Variants in FITM2 observed in about 807,000 individuals in gnomAD.
FITM2 encodes the protein fat storage inducing transmembrane protein 2, also known as acyl-coenzyme A diphosphatase FITM2.
FITM2 carries 16 observed loss-of-function variants against 23.3 expected under a neutral mutation model. The observed-to-expected ratio is 0.69, with a 90% CI of 0.47 to 1.05. The LOEUF (loss-of-function observed/expected upper bound fraction) is 1.05, where lower values mean the gene tolerates loss of function less well. Among genes scored for constraint, FITM2 ranks in the 50% least tolerant of loss-of-function variants. The pLI is 0.00. For missense variants in FITM2, 273 were observed against 327.5 expected (o/e 0.83, Z 1.29); for synonymous variants, 132 against 142.0 (o/e 0.93, Z 0.50).
rs1160261355 is a variant in FITM2 at position 44,308,002 on chromosome 20, G to T, written c.174-762C>A. The stretch of plus-strand genomic sequence containing the variant: ...CTCGGGAGGCTGAGGCAGGAGAATG[G>T]CATGAACCCGGGAGGCGGAGCTTGC... On this transcript the variant is annotated intron_variant, in intron 1 of 1. Transcript: ENST00000396825. Among the ~76,000 whole-genome samples the T allele has an allele frequency of 2.0e-5, 3 of 152,068 alleles. No individual in the cohort carries two copies. The East Asian group carries it at 5.9e-4, about 30-fold the overall frequency.
Position 44,306,855 on chromosome 20 carries a change from C to A in FITM2, c.559G>T (p.Ala187Ser). The change falls in exon 2 of 2, where the codon GCC (alanine) becomes TCC (serine). Residue 187 changes from alanine (A) to serine (S), a missense_variant. Around this residue, in one of 3 missense-constraint regions of FITM2, gnomAD observed 117 missense variants for 183.3 expected, o/e 0.64. Coordinates refer to ENST00000396825, the MANE Select transcript of FITM2 (RefSeq NM_001080472.4). Reference protein sequence around the residue: ...KTDRSHCLHTAITTLVVALGI... With the variant: ...KTDRSHCLHTSITTLVVALGI... Reference sequence around the variant, plus strand: ...AGGGCCACAACCAGGGTGGTGATGGCGGTGTGGAGGCAGTGGCTTCGGTCC... The same window carrying A: ...AGGGCCACAACCAGGGTGGTGATGGAGGTGTGGAGGCAGTGGCTTCGGTCC... The A allele has an allele frequency of 1.9e-6, 3 of 1,614,108 alleles. No individual in the cohort carries two copies. The highest frequency in any genetic ancestry group is 2.5e-6 in the Non-Finnish European group (3 of 1,180,020).
In FITM2 at chr20:44,306,504, A is replaced by G; in HGVS notation, c.*121T>C. ...TCCCCAGACTTCAGCACCACCCACC[A>G]AAACTGCCTGGTACACTTTCCCTCT... On this transcript the variant is annotated 3_prime_UTR_variant, in exon 2 of 2. Coordinates refer to ENST00000396825, the MANE Select transcript of FITM2 (RefSeq NM_001080472.4). 1 of 1,416,298 alleles carries G rather than the reference A, an allele frequency of 7.1e-7. No individual in the cohort carries two copies. The highest frequency in any genetic ancestry group is 1.4e-5 in the South Asian group (1 of 71,586). The allele number at this position is 1,416,298 out of a possible 1,614,324, so 87.7% of individuals were successfully genotyped here.
In FITM2 at chr20:44,303,286, G is replaced by A. The variant is rs2062681729; in HGVS notation, c.*3339C>T. ...CCACCTGACAGACGATGAAAACGAG[G>A]TTTGCCATGATCACACAGCTATCAG... On this transcript the variant is annotated 3_prime_UTR_variant, in exon 2 of 2. Transcript: ENST00000396825. 1 of 152,132 alleles carries A rather than the reference G, an allele frequency of 6.6e-6. No individual in the cohort carries two copies. Among genetic ancestry groups the A allele is most frequent in the African/African-American group, 2.4e-5 (1 of 41,408 alleles). 9.4% of individuals were successfully genotyped at this position (152,132 alleles called of 1,614,324 possible). A position where few individuals can be genotyped will look rare whatever the true frequency, so the allele number is the denominator to read the frequency against.
intron 1 of FITM2, among the ~76,000 whole-genome samples, chr20:44,308,065 C>T (rs968674386): frequency 4.6e-5 from 7 of 151,628 alleles, no homozygotes; most frequent in Admixed American, 1.3e-4. Context: ...CCAGCCTGGG[C>T]GATAGAGCGA....
chr20:44,307,025 A>AC lies in FITM2; in HGVS notation c.388dup (p.Val130GlyfsTer22). On this transcript the variant is annotated frameshift_variant, in exon 2 of 2. Coordinates refer to ENST00000396825, the MANE Select transcript of FITM2 (RefSeq NM_001080472.4). LOFTEE classifies it high-confidence loss of function. ...CTGCTTGCTCTGGTGTTCCTTTCTG[A>AC]CCCCCTCCAGGGCTGGGGACTGGTA... The AC allele has an allele frequency of 6.2e-7, 1 of 1,613,802 alleles. No individual in the cohort carries two copies. The highest frequency in any genetic ancestry group is 8.5e-7 in the Non-Finnish European group (1 of 1,179,990).
rs2146088398 is a variant in FITM2, at chr20:44,305,086, G to T, written c.*1539C>A. ...TGGAATTTAAGACTGTAAGACCAGA[G>T]TTTGGTTCATAACAAGTACATTAGT... is the stretch of plus-strand genomic sequence containing the variant. On this transcript the variant is annotated 3_prime_UTR_variant, in exon 2 of 2. Transcript: ENST00000396825. 1 of 152,240 alleles carries T rather than the reference G, an allele frequency of 6.6e-6. No homozygotes were observed. Among genetic ancestry groups the T allele is most frequent in the East Asian group, 1.9e-4 (1 of 5,178 alleles). The allele number at this position is 152,240 out of a possible 1,614,324, so 9.4% of individuals were successfully genotyped here. A position where few individuals can be genotyped will look rare whatever the true frequency, so the allele number is the denominator to read the frequency against.
Position 44,306,537 on chromosome 20 carries a change from G to C in FITM2, c.*88C>G, listed in dbSNP as rs1174717049. ...CTGGTACACTTTCCCTCTGAAGTAG[G>C]ATCAATAATTTAGCCAAATAACTAA... is the stretch of plus-strand genomic sequence containing the variant. On this transcript the variant is annotated 3_prime_UTR_variant, in exon 2 of 2. Coordinates refer to ENST00000396825, the MANE Select transcript of FITM2 (RefSeq NM_001080472.4). The C allele has an allele frequency of 1.4e-4, 221 of 1,525,294 alleles. No individual in the cohort carries two copies. The highest frequency in any genetic ancestry group is 1.9e-4 in the Non-Finnish European group (214 of 1,136,888). 94.5% of individuals were successfully genotyped at this position (1,525,294 alleles called of 1,614,324 possible).
At position 44,311,185 on chromosome 20, in the gene FITM2, C is replaced by A; in HGVS notation, c.-37G>T. The A allele has an allele frequency of 6.3e-7, 1 of 1,592,908 alleles. No individual in the cohort carries two copies. Among genetic ancestry groups the A allele is most frequent in the South Asian group, 1.1e-5 (1 of 88,554 alleles). ...TCAGCCACCGTCCTCCTCTCCGTGC[C>A]CTCTCGGCCACCGTATCGCCCTTCG... On this transcript the variant is annotated 5_prime_UTR_variant, in exon 1 of 2. Transcript: ENST00000396825.
At position 44,306,356 on chromosome 20, in the gene FITM2, G is replaced by A. The variant is rs913517575; in HGVS notation, c.*269C>T. 9.6e-5 allele frequency: 38 copies of A among 396,844 alleles called. No individual in the cohort carries two copies. The highest frequency in any genetic ancestry group is 7.9e-4 in the Admixed American group (21 of 26,704). The allele number at this position is 396,844 out of a possible 1,614,324, so 24.6% of individuals were successfully genotyped here. On this transcript the variant is annotated 3_prime_UTR_variant, in exon 2 of 2. Coordinates refer to ENST00000396825, the MANE Select transcript of FITM2 (RefSeq NM_001080472.4). Reference sequence around the variant, plus strand: ...TGCTGAGCCTTAGGTCCCCACTCTAGGGACAAAAGGAGTGTTCCAGATAAA... The same window carrying A: ...TGCTGAGCCTTAGGTCCCCACTCTAAGGACAAAAGGAGTGTTCCAGATAAA...
At chr20:44,307,853 C>T (rs1470839800) in intron 1 of FITM2, among the ~76,000 whole-genome samples, 3 of 151,752 alleles carry the variant, frequency 2.0e-5, no homozygotes, top group Non-Finnish European at 4.4e-5. Flanking sequence ...TTTGGGAGGC[C>T]GAGGTGGGCA....
intron 1 of FITM2, among the ~76,000 whole-genome samples, chr20:44,309,933 C>G (rs1014118137): frequency 6.6e-6 from 1 of 152,174 alleles, no homozygotes; most frequent in Non-Finnish European, 1.5e-5. Context: ...CCCAGCCTCT[C>G]AGGGTGGGTG....
rs2062681196 is a variant in FITM2 at position 44,303,085 on chromosome 20, G to T, written c.*3540C>A. ...ACCGACACTTTTCAACATAATACAG[G>T]ACAATTTTAACAAAAGACCCAGACT... On this transcript the variant is annotated 3_prime_UTR_variant, in exon 2 of 2. Coordinates refer to ENST00000396825, the MANE Select transcript of FITM2 (RefSeq NM_001080472.4). 1.3e-5 allele frequency: 2 copies of T among 152,064 alleles called. No individual in the cohort carries two copies. The highest frequency in any genetic ancestry group is 6.6e-5 in the Admixed American group (1 of 15,258). 9.4% of individuals were successfully genotyped at this position (152,064 alleles called of 1,614,324 possible).
At position 44,311,069 on chromosome 20, in the gene FITM2, G is replaced by A; in HGVS notation, c.80C>T (p.Ala27Val). 12 of 1,611,704 alleles carry A rather than the reference G, an allele frequency of 7.4e-6. No homozygotes were observed. The highest frequency in any genetic ancestry group is 1.0e-5 in the Non-Finnish European group (12 of 1,179,186). Residue 27 changes from alanine to valine, a missense_variant, in exon 1 of 2, where the codon GCC (alanine) becomes GTC (valine). Around this residue, in one of 3 missense-constraint regions of FITM2, gnomAD observed 123 missense variants for 117.9 expected, o/e 1.04. Coordinates refer to ENST00000396825, the MANE Select transcript of FITM2 (RefSeq NM_001080472.4). ...RAAVRRYLPW[A>V]LVASMLAGSL... Reference sequence around the variant, plus strand: ...GCCCGCCAGCATGGAGGCCACCAGGGCCCAGGGCAGGTAGCGCCGCACGGC... The same window carrying A: ...GCCCGCCAGCATGGAGGCCACCAGGACCCAGGGCAGGTAGCGCCGCACGGC...
chr20:44,310,522 T>C (rs1017314597), intron 1 of FITM2, among the ~76,000 whole-genome samples: 2 of 152,156 alleles, frequency 1.3e-5, no homozygotes, highest in African/African-American at 2.4e-5. Flanking sequence ...AAAGGGATTC[T>C]GTCACGCGCT....
chr20:44,310,843 G>T, intron 1 of FITM2, 133 bp downstream of exon 1: 2 of 1,258,880 alleles, frequency 1.6e-6, no homozygotes, highest in African/African-American at 1.5e-5. Context: ...GCGTGCAGAT[G>T]CTGCTGTCAC....
chr20:44,309,082 C>G (rs1050368525), intron 1 of FITM2, among the ~76,000 whole-genome samples: 1 of 151,174 alleles, frequency 6.6e-6, no homozygotes, highest in African/African-American at 2.4e-5. Context: ...GCAACCTCCG[C>G]CTCCCGGGTT....
intron 1 of FITM2, among the ~76,000 whole-genome samples, chr20:44,307,811 G>T (rs1490379131): frequency 6.6e-6 from 1 of 151,956 alleles, no homozygotes; most frequent in African/African-American, 2.4e-5. Context: ...GAGTTGGCCG[G>T]GCGCGGTGGC....
chr20:44,306,902 G>A lies in FITM2; in HGVS notation c.512C>T (p.Ser171Phe), dbSNP rs745314293. The change falls in exon 2 of 2, where the codon TCT (serine) becomes TTT (phenylalanine). Residue 171 changes from serine (S) to phenylalanine (F), a missense_variant. Transcript: ENST00000396825. ...GTCCGTCTTCACCTCATGCAGCACAGACATCTCTTCTACAATCATGAGGGC... is the reference window on the plus strand; with the variant it reads ...GTCCGTCTTCACCTCATGCAGCACAAACATCTCTTCTACAATCATGAGGGC... ...FCALMIVEEM[S>F]VLHEVKTDRS... is the part of the protein sequence containing the mutation. 1.2e-5 allele frequency: 19 copies of A among 1,614,196 alleles called. No homozygotes were observed. Among genetic ancestry groups the A allele is most frequent in the Non-Finnish European group, 1.6e-5 (19 of 1,180,038 alleles).
rs144548498 is a variant in FITM2 at position 44,309,367 on chromosome 20, A to G, written c.173+1609T>C. Among the ~76,000 whole-genome samples the G allele has an allele frequency of 4.5e-3, 688 of 152,120 alleles. 4 individuals are homozygous for G. Among genetic ancestry groups the G allele is most frequent in the African/African-American group, 0.016 (647 of 41,480 alleles). ...GCTAATTTTTGTATTTTTAGTAGAG[A>G]TGGGGTTTCACCACGTTGGCCAGGC... On this transcript the variant is annotated intron_variant, in intron 1 of 1. Coordinates refer to ENST00000396825, the MANE Select transcript of FITM2 (RefSeq NM_001080472.4).
Sources: allele counts gnomAD v4.1 joint callset (sites outside exome capture counted in the v4.1 genomes callset), GRCh38; gene constraint gnomAD v4.1.1; regional missense constraint gnomAD v4.1.1; transcripts MANE v1.5; gene names NCBI Gene and HGNC (gene_info 2026-07-23, HGNC 2026-07-21).